ANKFN1: variants seen among roughly 807,000 people sequenced by gnomAD.
The protein encoded by ANKFN1 is ankyrin repeat and fibronectin type III domain containing 1.
In ANKFN1, 74 loss-of-function variants were observed where a neutral mutation model predicts 108.7. The observed-to-expected ratio is 0.68, with a 90% CI of 0.56 to 0.83. The LOEUF (loss-of-function observed/expected upper bound fraction) is 0.83, where lower values mean the gene tolerates loss of function less well. ANKFN1 is among the 40% of genes least tolerant of loss of function. The pLI is 0.00. For synonymous variants in ANKFN1, 547 were observed against 516.2 expected (o/e 1.06, Z -0.81); for missense variants, 1,505 against 1,382.3 (o/e 1.09, Z -1.41).
In ANKFN1 at chr17:56,510,960, G is replaced by A. The variant is rs1165211777; in HGVS notation, c.3132G>A (p.Leu1044=). Reference sequence around the variant, plus strand: ...AGCACCTGTCCCAGGCCTGTGGTCTGGCCCAGGAGCCCAAGGAGGCCAAGC... The same window carrying A: ...AGCACCTGTCCCAGGCCTGTGGTCTAGCCCAGGAGCCCAAGGAGGCCAAGC... ...YTQHLSQACG[L]AQEPKEAKRA... is the part of the protein sequence containing the mutation. Residue 1044 remains leucine, a synonymous_variant, in exon 21 of 21, where the codon CTG becomes CTA. Transcript: ENST00000682825. The A allele has an allele frequency of 2.6e-6, 4 of 1,536,124 alleles. No individual in the cohort carries two copies. In the South Asian group the frequency reaches 3.6e-5, roughly 14 times the overall value.
At chr17:56,326,398 GC>G in intron 4 of ANKFN1, 43 bp downstream of exon 4, 2 of 1,580,830 alleles carry the variant, frequency 1.3e-6, no homozygotes, top group South Asian at 1.2e-5. Context: ...TGAATATGGA[GC>G]TTTCTTAATT....
chr17:56,097,330 G>A (rs1287657477), intron 4 of ANKFN1, among the ~76,000 whole-genome samples: 2 of 152,170 alleles, frequency 1.3e-5, no homozygotes, highest in East Asian at 3.8e-4. Flanking sequence ...TGCCCACCAA[G>A]GATCATTTAC....
At chr17:56,121,031 C>T (rs1906583577) in intron 4 of ANKFN1, among the ~76,000 whole-genome samples, 1 of 152,074 alleles carries the variant, frequency 6.6e-6, no homozygotes, top group African/African-American at 2.4e-5. Flanking sequence ...TCACTTATAG[C>T]ACTTAGTGAT....
chr17:56,423,822 TTATC>T (rs1162498893), intron 8 of ANKFN1, among the ~76,000 whole-genome samples: 2 of 152,208 alleles, frequency 1.3e-5, no homozygotes, highest in Non-Finnish European at 2.9e-5. Context: ...ATCTGTATCT[TTATC>T]CATCTGCATG....
chr17:56,471,802 T>C (rs2050326468), intron 15 of ANKFN1: 1 of 152,246 alleles, frequency 6.6e-6, no homozygotes, highest in Non-Finnish European at 1.5e-5. Context: ...GTGCTAAATG[T>C]TGTATGATTC....
intron 1 of ANKFN1, among the ~76,000 whole-genome samples, chr17:56,212,208 G>A (rs1054042094): frequency 6.6e-6 from 1 of 152,004 alleles, no homozygotes; most frequent in Admixed American, 6.6e-5. Flanking sequence ...CTTAAGGTAT[G>A]TCCCTTCTAT....
intron 4 of ANKFN1, among the ~76,000 whole-genome samples, chr17:56,342,754 A>C (rs115093645): frequency 0.021 from 3,265 of 152,170 alleles, 114 homozygotes; most frequent in African/African-American, 0.071. Flanking sequence ...TGGTGATTAG[A>C]AAAGTGTATA....
At chr17:56,227,514 T>G (rs1916370630) in intron 2 of ANKFN1, among the ~76,000 whole-genome samples, 1 of 152,140 alleles carries the variant, frequency 6.6e-6, no homozygotes, top group African/African-American at 2.4e-5. Context: ...GTGTCAGAAC[T>G]TGGCCAACAA....
intron 8 of ANKFN1, among the ~76,000 whole-genome samples, chr17:56,387,648 ATG>A (rs141071007): frequency 5.9e-5 from 9 of 151,986 alleles, no homozygotes; most frequent in African/African-American, 2.2e-4. Flanking sequence ...TAAAGTATGA[ATG>A]TGTGTGTGTG....
intron 6 of ANKFN1, among the ~76,000 whole-genome samples, chr17:56,365,511 C>T: frequency 6.6e-6 from 1 of 152,136 alleles, no homozygotes; most frequent in Non-Finnish European, 1.5e-5. Context: ...AATTTGGGCT[C>T]AATATAGCAG....
At chr17:56,410,109 C>T (rs997722612) in intron 8 of ANKFN1, among the ~76,000 whole-genome samples, 5 of 152,066 alleles carry the variant, frequency 3.3e-5, no homozygotes, top group Admixed American at 1.3e-4. Context: ...TTTTTTGAGA[C>T]GGAGTCTCAC....
At chr17:56,264,934 C>T (rs2043610255) in intron 3 of ANKFN1, among the ~76,000 whole-genome samples, 1 of 152,098 alleles carries the variant, frequency 6.6e-6, no homozygotes, top group Non-Finnish European at 1.5e-5. Flanking sequence ...CCTTCCCCAG[C>T]CCTCTAGCTC....
chr17:56,346,598 A>G (rs1287955685), intron 4 of ANKFN1, among the ~76,000 whole-genome samples: 2 of 151,888 alleles, frequency 1.3e-5, no homozygotes. Context: ...GACATCCTGG[A>G]TTGCTGCAAG....
intron 8 of ANKFN1, among the ~76,000 whole-genome samples, chr17:56,433,824 T>C (rs939839912): frequency 3.6e-5 from 5 of 140,450 alleles, no homozygotes; most frequent in Admixed American, 6.7e-5. Context: ...CAATAACCTA[T>C]GGAAATAAAA....
chr17:56,344,761 AC>A (rs1018150196), intron 4 of ANKFN1, among the ~76,000 whole-genome samples: 1 of 151,664 alleles, frequency 6.6e-6, no homozygotes, highest in African/African-American at 2.4e-5. Flanking sequence ...TTTCTAGAAA[AC>A]CCCCAGACAG....
intron 3 of ANKFN1, among the ~76,000 whole-genome samples, chr17:56,265,496 G>C (rs2043625912): frequency 6.6e-6 from 1 of 152,076 alleles, no homozygotes; most frequent in Admixed American, 6.6e-5. Flanking sequence ...ATTTGAATGG[G>C]GACACAGAGC....
chr17:56,388,978 C>T (rs1042392836), intron 8 of ANKFN1, among the ~76,000 whole-genome samples: 1 of 148,002 alleles, frequency 6.8e-6, no homozygotes, highest in African/African-American at 2.5e-5. Flanking sequence ...TAAAATGATA[C>T]AGCCACTCTG....
At chr17:56,094,608 A>G (rs1211086435) in intron 4 of ANKFN1, among the ~76,000 whole-genome samples, 1 of 144,458 alleles carries the variant, frequency 6.9e-6, no homozygotes. Flanking sequence ...GGATCAAGTG[A>G]TTCTCCTGCC....
chr17:56,081,309 A>G (rs12601249), intron 4 of ANKFN1, among the ~76,000 whole-genome samples: 84,537 of 151,980 alleles, frequency 0.56, 24,969 homozygotes, highest in Non-Finnish European at 0.68. Context: ...TGTGGGGTTT[A>G]ACCTTTTGTC....
Sources: allele counts gnomAD v4.1 joint callset (sites outside exome capture counted in the v4.1 genomes callset), GRCh38; gene constraint gnomAD v4.1.1; transcripts MANE v1.5; gene names NCBI Gene and HGNC (gene_info 2026-07-23, HGNC 2026-07-21).